Variants in ZNF160 observed in about 807,000 individuals in gnomAD.
ZNF160 encodes the protein KRAB zinc finger protein KR18.
In ZNF160, 9 loss-of-function variants were observed where a neutral mutation model predicts 13.1. The observed-to-expected ratio is 0.69, with a 90% CI of 0.41 to 1.20. The LOEUF is 1.20. Among genes scored for constraint, ZNF160 ranks in the 50% most tolerant of loss-of-function variants. ZNF160 has a pLI of 0.01. For missense variants in ZNF160, 838 were observed against 988.0 expected (o/e 0.85, Z 2.04); for synonymous variants, 293 against 333.2 (o/e 0.88, Z 1.31).
intron 1 of ZNF160, among the ~76,000 whole-genome samples, chr19:53,099,059 C>T (rs1286429562): frequency 6.9e-6 from 1 of 144,298 alleles, no homozygotes; most frequent in Non-Finnish European, 1.5e-5. Flanking sequence ...AACCACAACC[C>T]CAGAGCAGGT....
At chr19:53,075,482 G>A in intron 3 of ZNF160, 1 of 366,212 alleles carries the variant, frequency 2.7e-6, no homozygotes, top group Non-Finnish European at 5.2e-6. Context: ...CTCGGTGGGT[G>A]GTCACTGGAA....
intron 1 of ZNF160, among the ~76,000 whole-genome samples, chr19:53,101,217 T>C (rs1007688544): frequency 2.6e-5 from 4 of 152,048 alleles, no homozygotes; most frequent in African/African-American, 4.8e-5. Context: ...GAGACAGAGG[T>C]TGCAGTGAGC....
intron 3 of ZNF160, among the ~76,000 whole-genome samples, chr19:53,080,706 GA>G (rs1454271650): frequency 6.6e-6 from 1 of 152,142 alleles, no homozygotes; most frequent in Admixed American, 6.5e-5. Context: ...ACTTTTCACA[GA>G]ATTAGAAAAA....
In ZNF160 at chr19:53,069,468, G is replaced by A. The variant is rs80024491; in HGVS notation, c.1066C>T (p.Leu356=). 2 of 1,614,106 alleles carry A rather than the reference G, an allele frequency of 1.2e-6. No homozygotes were observed. The highest frequency in any genetic ancestry group is 1.7e-6 in the Non-Finnish European group (2 of 1,180,020). The change falls in exon 6 of 6, where the codon CTA becomes TTA. Residue 356 remains leucine (L), a synonymous_variant. Coordinates refer to ENST00000683776, the MANE Select transcript of ZNF160 (RefSeq NM_001322131.2). The surrounding 1 kb of genome is among the most constrained non-coding windows in gnomAD (Gnocchi z 4.4). ...GTATGAATTAACTGATGGGTAGTTA[G>A]GTTTGAATGTCCTCTAAAGGCTTTT... The part of the protein sequence containing the change: ...CGKAFRGHSN[L]TTHQLIHTGE...
Position 53,093,259 on chromosome 19 carries a change from G to A in ZNF160, c.-353-1539C>T, listed in dbSNP as rs545812398. Among the ~76,000 whole-genome samples the A allele has an allele frequency of 3.9e-5, 6 of 152,278 alleles. No homozygotes were observed. The South Asian group carries it at 1.0e-3, about 26-fold the overall frequency. Reference sequence around the variant, plus strand: ...GTTCAAAACAAGCCTGGCCAACATGGTGAAACGTTGTCTCTACTAAAAATA... The same window carrying A: ...GTTCAAAACAAGCCTGGCCAACATGATGAAACGTTGTCTCTACTAAAAATA... On this transcript the variant is annotated intron_variant, in intron 1 of 5. Coordinates refer to ENST00000683776, the MANE Select transcript of ZNF160 (RefSeq NM_001322131.2).
chr19:53,097,373 C>T (rs1600922271), intron 1 of ZNF160, among the ~76,000 whole-genome samples: 3 of 148,310 alleles, frequency 2.0e-5, no homozygotes, highest in South Asian at 2.2e-4. Context: ...GCCATCTGCG[C>T]CTGATTCTTA....
intron 3 of ZNF160, among the ~76,000 whole-genome samples, chr19:53,080,835 A>G (rs1434615266): frequency 6.6e-6 from 1 of 152,248 alleles, no homozygotes; most frequent in Non-Finnish European, 1.5e-5. Context: ...GCAAGGCTAC[A>G]GTAAACAAAA....
At chr19:53,076,201 C>T (rs1053636537) in intron 3 of ZNF160, among the ~76,000 whole-genome samples, 5 of 152,020 alleles carry the variant, frequency 3.3e-5, no homozygotes, top group African/African-American at 4.8e-5. Context: ...ATATCAGTGT[C>T]GATTTCTCAG....
At chr19:53,090,429 C>T (rs933469359) in intron 2 of ZNF160, among the ~76,000 whole-genome samples, 3 of 152,202 alleles carry the variant, frequency 2.0e-5, no homozygotes, top group African/African-American at 7.2e-5. Flanking sequence ...GGTTCTCACC[C>T]GTCCTTCTCA....
At chr19:53,073,367 C>T (rs1384443883) in intron 5 of ZNF160, 1 of 1,598,402 alleles carries the variant, frequency 6.3e-7, no homozygotes, top group Admixed American at 1.7e-5. Flanking sequence ...GCTTATCACA[C>T]ACCCCCATGA....
chr19:53,096,625 C>T (rs1489889911), intron 1 of ZNF160, among the ~76,000 whole-genome samples: 1 of 138,774 alleles, frequency 7.2e-6, no homozygotes, highest in African/African-American at 2.7e-5. Flanking sequence ...ATATTATTCA[C>T]AGACCCAGAT....
At position 53,067,195 on chromosome 19, in the gene ZNF160, A is replaced by C. The variant is rs886804355; in HGVS notation, c.*882T>G. ...TTCCCCTGCAGTATTTCTACCACAC[A>C]ATCAGTGTCTAATTACCTATTACTC... is the stretch of plus-strand genomic sequence containing the variant. On this transcript the variant is annotated 3_prime_UTR_variant, in exon 6 of 6. Transcript: ENST00000683776. The C allele has an allele frequency of 6.6e-6, 1 of 152,134 alleles. No homozygotes were observed. Among genetic ancestry groups the C allele is most frequent in the African/African-American group, 2.4e-5 (1 of 41,412 alleles). 9.4% of individuals were successfully genotyped at this position (152,134 alleles called of 1,614,324 possible). A position where few individuals can be genotyped will look rare whatever the true frequency, so the allele number is the denominator to read the frequency against.
chr19:53,098,874 G>T (rs925378415), intron 1 of ZNF160, among the ~76,000 whole-genome samples: 6 of 150,918 alleles, frequency 4.0e-5, no homozygotes, highest in Admixed American at 3.3e-4. Flanking sequence ...GGTCTGCGGG[G>T]CTTTTCAGGC....
At chr19:53,099,429 G>A (rs899765902) in intron 1 of ZNF160, among the ~76,000 whole-genome samples, 5 of 152,212 alleles carry the variant, frequency 3.3e-5, no homozygotes, top group African/African-American at 1.2e-4. Context: ...ACACTGGCAG[G>A]GGCCCTGGAC....
chr19:53,085,078 A>G (rs1319355240), intron 3 of ZNF160: 1 of 817,868 alleles, frequency 1.2e-6, no homozygotes, highest in South Asian at 5.6e-5. Flanking sequence ...CTTGGCTTCC[A>G]CAAGTGCTGG....
In ZNF160 at chr19:53,068,384, C is replaced by T. The variant is rs781059600; in HGVS notation, c.2150G>A (p.Arg717His). 5.0e-5 allele frequency: 81 copies of T among 1,613,806 alleles called. No homozygotes were observed. The highest frequency in any genetic ancestry group is 6.2e-5 in the Non-Finnish European group (73 of 1,179,994). The part of the protein sequence containing the change: ...CNECGKAFSV[R>H]SSLTTHQAIH... ...TGCCTGATGGGTGGTTAGGCTTGAA[C>T]GAACACTGAAGGCTTTCCCACACTC... Residue 717 changes from arginine to histidine, a missense_variant, in exon 6 of 6, where the codon CGT (arginine) becomes CAT (histidine). Around this residue, in one of 3 missense-constraint regions of ZNF160, gnomAD observed 400 missense variants for 538.9 expected, o/e 0.74. Transcript: ENST00000683776.
At chr19:53,098,779 CG>C (rs1185062635) in intron 1 of ZNF160, among the ~76,000 whole-genome samples, 12 of 148,656 alleles carry the variant, frequency 8.1e-5, no homozygotes, top group Non-Finnish European at 1.3e-4. Context: ...GGATGGCCAC[CG>C]GGCCCCGGTG....
In ZNF160 at chr19:53,075,404, T is replaced by A. The variant is rs1051237085; in HGVS notation, c.16-221A>T. On this transcript the variant is annotated intron_variant, in intron 3 of 5. Transcript: ENST00000683776. ...GAGTGATAAGTATCTTTTTGTACAT[T>A]AATGGGATAATTGGTGTCTGGAGCA... 3.0e-5 allele frequency: 15 copies of A among 507,766 alleles called. No individual in the cohort carries two copies. In the South Asian group the frequency reaches 3.1e-4, roughly 11 times the overall value. The allele number at this position is 507,766 out of a possible 1,614,324, so 31.5% of individuals were successfully genotyped here.
chr19:53,098,395 C>T, intron 1 of ZNF160, among the ~76,000 whole-genome samples: 1 of 147,512 alleles, frequency 6.8e-6, no homozygotes, highest in East Asian at 2.0e-4. Context: ...ACAAGCGATG[C>T]GGCAGGAATG....
Sources: allele counts gnomAD v4.1 joint callset (sites outside exome capture counted in the v4.1 genomes callset), GRCh38; gene constraint gnomAD v4.1.1; regional missense constraint gnomAD v4.1.1; non-coding constraint Gnocchi (gnomAD v3.1); transcripts MANE v1.5; gene names NCBI Gene and HGNC (gene_info 2026-07-23, HGNC 2026-07-21).